KLHL8: variants seen among roughly 807,000 people sequenced by gnomAD.
KLHL8 encodes the protein kelch-like protein 8.
Under a neutral mutation model 63.5 loss-of-function variants are expected in KLHL8, and 38 were observed. The ratio of observed to expected loss-of-function variants is 0.60; its 90% CI spans 0.46 to 0.78. The LOEUF (loss-of-function observed/expected upper bound fraction) is 0.78. Ranked by LOEUF, KLHL8 falls within the 30% of genes least tolerant of loss-of-function variation. The probability of loss-of-function intolerance (pLI) is 0.00; values close to 1 mark genes in which losing one functional copy is unlikely to be tolerated. For missense variants in KLHL8, 566 were observed against 752.4 expected (o/e 0.75, Z 2.90); for synonymous variants, 224 against 254.3 (o/e 0.88, Z 1.13).
chr4:87,236,714 GA>G (rs1733237889), intron 1 of KLHL8, among the ~76,000 whole-genome samples: 1 of 141,048 alleles, frequency 7.1e-6, no homozygotes, highest in Non-Finnish European at 1.5e-5. Context: ...ACCCAGGCTG[GA>G]GTGCAGTGAC....
chr4:87,167,411 C>A, intron 8 of KLHL8: 2 of 458,868 alleles, frequency 4.4e-6, no homozygotes, highest in Non-Finnish European at 4.3e-6. Flanking sequence ...CTGGGTGGGC[C>A]AAATAAGGTG....
intron 2 of KLHL8, among the ~76,000 whole-genome samples, chr4:87,187,004 CTTAA>C (rs980062660): frequency 4.0e-5 from 6 of 151,746 alleles, no homozygotes; most frequent in African/African-American, 1.2e-4. Flanking sequence ...ATCTCATCAC[CTTAA>C]TTATTGAAAA....
At chr4:87,212,953 T>C (rs1418387076) in intron 1 of KLHL8, among the ~76,000 whole-genome samples, 3 of 152,234 alleles carry the variant, frequency 2.0e-5, no homozygotes, top group African/African-American at 7.2e-5. Flanking sequence ...CTTAAGAGTG[T>C]ATCCCCATCC....
At chr4:87,214,441 T>G (rs201539121) in intron 1 of KLHL8, among the ~76,000 whole-genome samples, 1 of 83,990 alleles carries the variant, frequency 1.2e-5, no homozygotes, top group Admixed American at 1.4e-4. Flanking sequence ...TATATATATA[T>G]ATATATATAT....
intron 1 of KLHL8, among the ~76,000 whole-genome samples, chr4:87,231,265 T>G (rs1344907212): frequency 1.3e-5 from 2 of 152,200 alleles, no homozygotes; most frequent in Non-Finnish European, 2.9e-5. Flanking sequence ...TTCATTGACT[T>G]TCTTCCCTTT....
chr4:87,220,045 C>T (rs1164774634), intron 1 of KLHL8: 1 of 152,514 alleles, frequency 6.6e-6, no homozygotes, highest in African/African-American at 2.4e-5. Context: ...CTGCCTGGGC[C>T]CCTCTTCGAA....
rs753682781 is a variant in KLHL8, at chr4:87,195,572, C to T, written c.-33G>A. ...ATTCCTCTTTTAATAGAGCTCTCTT[C>T]TCAAACATGCCATTTATTTTTTTTC... On this transcript the variant is annotated 5_prime_UTR_variant, in exon 2 of 10. Coordinates refer to ENST00000273963, the MANE Select transcript of KLHL8 (RefSeq NM_020803.5). 32 of 1,544,850 alleles carry T rather than the reference C, an allele frequency of 2.1e-5. No homozygotes were observed. Among genetic ancestry groups the T allele is most frequent in the Non-Finnish European group, 2.8e-5 (32 of 1,123,082 alleles).
In KLHL8 at chr4:87,204,096, C is replaced by T. The variant is rs147675237; in HGVS notation, c.-151-8406G>A. ...ATAATGAACCAGGCACAGTGGTGTG[C>T]GCTTGTAGTCTCAGCTACATAGGAT... is the stretch of plus-strand genomic sequence containing the variant. On this transcript the variant is annotated intron_variant, in intron 1 of 9. Coordinates refer to ENST00000273963, the MANE Select transcript of KLHL8 (RefSeq NM_020803.5). 2.8e-4 allele frequency among the ~76,000 whole-genome samples: 42 copies of T among 152,268 alleles called. 1 individual carries two copies. The highest frequency in any genetic ancestry group is 7.9e-4 in the African/African-American group (33 of 41,552).
chr4:87,203,108 A>G (rs1731981442), intron 1 of KLHL8, among the ~76,000 whole-genome samples: 1 of 152,234 alleles, frequency 6.6e-6, no homozygotes, highest in African/African-American at 2.4e-5. Flanking sequence ...AGTTATCTCC[A>G]GTGCAATAAA....
At chr4:87,226,788 A>ATATATAT (rs1375011496) in intron 1 of KLHL8, among the ~76,000 whole-genome samples, 1 of 15,458 alleles carries the variant, frequency 6.5e-5, no homozygotes, top group African/African-American at 4.2e-4. Flanking sequence ...TATATATAAT[A>ATATATAT]TATATTATAT....
At position 87,220,551 on chromosome 4, in the gene KLHL8, G is replaced by A. The variant is rs1482327354; in HGVS notation, c.-285C>T. On this transcript the variant is annotated 5_prime_UTR_variant, in exon 1 of 10. Transcript: ENST00000273963. ...ACCCGGCGGACGCGCGCTCTCCTGC[G>A]CGGCCCCGCGGAGCCCCGGCGGGCG... 6.6e-6 allele frequency: 1 copy of A among 151,996 alleles called. No individual in the cohort carries two copies. Among genetic ancestry groups the A allele is most frequent in the Admixed American group, 6.6e-5 (1 of 15,256 alleles). 9.4% of individuals were successfully genotyped at this position (151,996 alleles called of 1,614,324 possible).
chr4:87,165,505 C>T (rs1730363321), intron 8 of KLHL8, among the ~76,000 whole-genome samples: 1 of 151,870 alleles, frequency 6.6e-6, no homozygotes, highest in South Asian at 2.1e-4. Flanking sequence ...GCGATCCTCC[C>T]ACCTCAGCCT....
intron 1 of KLHL8, among the ~76,000 whole-genome samples, chr4:87,218,639 T>C (rs1732695878): frequency 6.6e-6 from 1 of 152,248 alleles, no homozygotes; most frequent in Non-Finnish European, 1.5e-5. Context: ...TAACCAATTA[T>C]CAGTAATCTT....
intron 1 of KLHL8, among the ~76,000 whole-genome samples, chr4:87,231,003 A>C (rs1314572303): frequency 6.6e-6 from 1 of 152,136 alleles, no homozygotes; most frequent in Admixed American, 6.5e-5. Context: ...CCAGCCCTTC[A>C]CCTGGGGGAT....
intron 1 of KLHL8, among the ~76,000 whole-genome samples, chr4:87,216,739 C>T (rs537829225): frequency 6.6e-6 from 1 of 152,018 alleles, no homozygotes; most frequent in African/African-American, 2.4e-5. Context: ...GCATGACCAA[C>T]CCATTTAAAA....
At chr4:87,233,733 T>C (rs1733175361) in intron 1 of KLHL8, among the ~76,000 whole-genome samples, 1 of 152,254 alleles carries the variant, frequency 6.6e-6, no homozygotes, top group African/African-American at 2.4e-5. Flanking sequence ...TTTAAATCTT[T>C]GGTCTGCCTA....
chr4:87,207,316 C>A, intron 1 of KLHL8: 1 of 606,098 alleles, frequency 1.6e-6, no homozygotes, highest in Middle Eastern at 5.1e-4. Context: ...TACCATCTTC[C>A]AGGAGCGAGA....
chr4:87,240,101 G>A (rs199591228), intron 1 of KLHL8, among the ~76,000 whole-genome samples: 1 of 152,310 alleles, frequency 6.6e-6, no homozygotes, highest in East Asian at 1.9e-4. Context: ...AGCCAGCTTG[G>A]AGAAGGAAAA....
chr4:87,196,794 T>TG (rs1731714815), intron 1 of KLHL8, among the ~76,000 whole-genome samples: 1 of 152,234 alleles, frequency 6.6e-6, no homozygotes, highest in Non-Finnish European at 1.5e-5. Flanking sequence ...TGTAATTTTT[T>TG]TTGAGGCTGT....
Sources: gnomAD v4.1 joint callset for allele counts (sites outside exome capture counted in the v4.1 genomes callset) on GRCh38, gnomAD v4.1.1 for gene constraint, MANE v1.5 for transcripts, NCBI Gene and HGNC (gene_info 2026-07-23, HGNC 2026-07-21) for gene names.